KLHL13: variants seen among roughly 807,000 people sequenced by gnomAD.
KLHL13 encodes kelch-like protein 13.
Under a neutral mutation model 37.1 loss-of-function variants are expected in KLHL13, and 10 were observed. That is an observed-to-expected ratio of 0.27 (90% CI 0.17 to 0.46). The LOEUF (loss-of-function observed/expected upper bound fraction) is 0.46. KLHL13 is among the 20% of genes least tolerant of loss of function. KLHL13 has a pLI of 1.00. For missense variants in KLHL13, 360 were observed against 509.3 expected, an observed-to-expected ratio of 0.71 and a Z score of 2.82; for synonymous variants, 163 against 181.2, an observed-to-expected ratio of 0.90 and a Z score of 0.81.
intron 4 of KLHL13, among the ~76,000 whole-genome samples, chrX:117,916,002 T>G (rs1371734456): frequency 9.0e-6 from 1 of 111,510 alleles, no homozygotes; most frequent in Non-Finnish European, 1.9e-5. Flanking sequence ...CTACTAAAAA[T>G]ACAAAATTAG....
At chrX:117,984,559 T>G (rs2053702072) in intron 1 of KLHL13, among the ~76,000 whole-genome samples, 1 of 111,571 alleles carries the variant, frequency 9.0e-6, no homozygotes, top group South Asian at 3.7e-4. Context: ...ATACTAAATC[T>G]AATAACTTCC....
chrX:118,004,007 G>A (rs1220374589), intron 1 of KLHL13, among the ~76,000 whole-genome samples: 1 of 111,417 alleles, frequency 9.0e-6, no homozygotes, highest in Non-Finnish European at 1.9e-5. Context: ...ATGCAGGGAG[G>A]TGGCAGCTAC....
At chrX:117,912,751 GT>G (rs1931070410) in intron 4 of KLHL13, among the ~76,000 whole-genome samples, 1 of 111,348 alleles carries the variant, frequency 9.0e-6, no homozygotes, top group African/African-American at 3.3e-5. Context: ...ATTTCTTTCA[GT>G]TTTTAATTTT....
chrX:117,921,460 T>C (rs1344190270), intron 2 of KLHL13, among the ~76,000 whole-genome samples: 2 of 111,761 alleles, frequency 1.8e-5, no homozygotes. Context: ...ATATGCAATT[T>C]AACAATGATA....
At chrX:118,028,486 T>G (rs1410933713) in intron 1 of KLHL13, 2 of 1,077,337 alleles carry the variant, frequency 1.9e-6, no homozygotes, top group African/African-American at 3.7e-5. Flanking sequence ...CCTCTAAAAG[T>G]TGGATAATGA....
At chrX:118,011,821 T>C (rs1174855191) in intron 1 of KLHL13, among the ~76,000 whole-genome samples, 1 of 112,324 alleles carries the variant, frequency 8.9e-6, no homozygotes, top group African/African-American at 3.2e-5. Context: ...TGAATAAACA[T>C]TTGTATTTAT....
At chrX:118,115,197 T>G (rs1008737701) in intron 1 of KLHL13, among the ~76,000 whole-genome samples, 7 of 112,786 alleles carry the variant, frequency 6.2e-5, no homozygotes, top group Non-Finnish European at 1.3e-4. Context: ...GTTTTTAAAT[T>G]TGAACACTAG....
At chrX:118,096,406 A>C (rs1164749432) in intron 1 of KLHL13, among the ~76,000 whole-genome samples, 1 of 111,968 alleles carries the variant, frequency 8.9e-6, no homozygotes, top group Non-Finnish European at 1.9e-5. Flanking sequence ...GAATAGACCA[A>C]TAACAGGCTC....
At chrX:118,078,105 A>C (rs987595952) in intron 1 of KLHL13, among the ~76,000 whole-genome samples, 2 of 111,794 alleles carry the variant, frequency 1.8e-5, no homozygotes, top group African/African-American at 6.5e-5. Context: ...AACCTCATTC[A>C]AAGTATTTAA....
At chrX:118,068,580 C>G (rs1468548527) in intron 1 of KLHL13, among the ~76,000 whole-genome samples, 1 of 110,760 alleles carries the variant, frequency 9.0e-6, no homozygotes, top group Non-Finnish European at 1.9e-5. Context: ...ACCTACAATC[C>G]TCACTACTGG....
chrX:117,903,650 G>A (rs1189235996), intron 5 of KLHL13, among the ~76,000 whole-genome samples: 4 of 108,998 alleles, frequency 3.7e-5, no homozygotes, highest in South Asian at 3.9e-4. Context: ...TCTCTCTCTC[G>A]CCACATAAGA....
chrX:117,922,062 G>A (rs997181268), intron 2 of KLHL13, among the ~76,000 whole-genome samples: 6 of 110,720 alleles, frequency 5.4e-5, no homozygotes, highest in African/African-American at 9.9e-5. Context: ...TTACTAATTC[G>A]TCTGCTGTCT....
chrX:117,968,046 G>A (rs1340118421), intron 1 of KLHL13, among the ~76,000 whole-genome samples: 2 of 112,384 alleles, frequency 1.8e-5, no homozygotes, highest in Non-Finnish European at 3.8e-5. Flanking sequence ...ACATTCAAAT[G>A]TAGTGTCTTA....
At chrX:118,096,203 G>C (rs1301676754) in intron 1 of KLHL13, among the ~76,000 whole-genome samples, 1 of 111,507 alleles carries the variant, frequency 9.0e-6, no homozygotes, top group African/African-American at 3.3e-5. Context: ...AAGAAGAAAA[G>C]AGAGAAGAAT....
At chrX:118,040,625 T>C (rs2054497359) in intron 1 of KLHL13, among the ~76,000 whole-genome samples, 1 of 111,633 alleles carries the variant, frequency 9.0e-6, no homozygotes, top group South Asian at 3.7e-4. Context: ...GATAGAGAAA[T>C]GAGGATAGAA....
At chrX:117,991,604 T>C (rs2053790496) in intron 1 of KLHL13, among the ~76,000 whole-genome samples, 1 of 110,756 alleles carries the variant, frequency 9.0e-6, no homozygotes, top group Non-Finnish European at 1.9e-5. Flanking sequence ...TCAACCCTAT[T>C]TCCCATTACA....
intron 1 of KLHL13, chrX:117,946,817 T>G (rs981899275): frequency 8.9e-6 from 1 of 112,079 alleles, no homozygotes; most frequent in African/African-American, 3.2e-5. Flanking sequence ...TTGATCAGTT[T>G]TAACAAGAAA....
intron 1 of KLHL13, among the ~76,000 whole-genome samples, chrX:117,958,060 A>C (rs1036114403): frequency 1.8e-5 from 2 of 111,587 alleles, no homozygotes; most frequent in Non-Finnish European, 3.8e-5. Flanking sequence ...CTCAGCAACA[A>C]TGAACAGAAT....
intron 5 of KLHL13, among the ~76,000 whole-genome samples, chrX:117,905,643 G>A (rs1044911651): frequency 9.2e-6 from 1 of 109,211 alleles, no homozygotes; most frequent in Non-Finnish European, 1.9e-5. Context: ...TCTTGCAAAT[G>A]TTGCCACTGT....
Sources: gnomAD v4.1 joint callset for allele counts (sites outside exome capture counted in the v4.1 genomes callset) on GRCh38, gnomAD v4.1.1 for gene constraint, MANE v1.5 for transcripts, NCBI Gene and HGNC (gene_info 2026-07-23, HGNC 2026-07-21) for gene names.